Variants in ADAMTSL1 observed in about 807,000 individuals in gnomAD.
The protein encoded by ADAMTSL1 is ADAMTS like 1.
A neutral mutation model predicts 201.8 loss-of-function variants in ADAMTSL1; 126 were observed. The observed-to-expected ratio is 0.62, with a 90% CI of 0.54 to 0.72. The LOEUF is 0.72. ADAMTSL1 is among the 30% of genes least tolerant of loss of function. The pLI is 0.00. For missense variants in ADAMTSL1, 2,679 were observed against 2,277.8 expected (o/e 1.18, Z -3.59); for synonymous variants, 1,121 against 903.4 (o/e 1.24, Z -4.32).
chr9:18,625,380 G>A (rs1262034428), intron 5 of ADAMTSL1, among the ~76,000 whole-genome samples: 2 of 151,998 alleles, frequency 1.3e-5, no homozygotes, highest in Non-Finnish European at 2.9e-5. Flanking sequence ...AGAGAAGTAG[G>A]AGAAGTTTAT....
intron 2 of ADAMTSL1, among the ~76,000 whole-genome samples, chr9:18,314,470 C>T (rs115870749): frequency 0.021 from 3,152 of 152,014 alleles, 63 homozygotes; most frequent in African/African-American, 0.057. Flanking sequence ...CATACTTTCG[C>T]GGTGAGTGTT....
chr9:18,667,639 C>G (rs893710298), intron 9 of ADAMTSL1, among the ~76,000 whole-genome samples: 7 of 152,128 alleles, frequency 4.6e-5, no homozygotes, highest in Admixed American at 3.9e-4. Context: ...GTACCTGACT[C>G]ATGATAAGCG....
intron 3 of ADAMTSL1, among the ~76,000 whole-genome samples, chr9:18,556,453 T>C (rs1821115568): frequency 6.6e-6 from 1 of 151,990 alleles, no homozygotes; most frequent in Non-Finnish European, 1.5e-5. Flanking sequence ...GTCTTTCCCC[T>C]TCTTTACCTT....
intron 23 of ADAMTSL1, among the ~76,000 whole-genome samples, chr9:18,842,227 G>T (rs1412468230): frequency 1.3e-5 from 2 of 151,978 alleles, no homozygotes; most frequent in African/African-American, 4.8e-5. Flanking sequence ...AAGAGATTCT[G>T]GTATGTTGTG....
At chr9:18,084,570 C>G (rs1033998385) in intron 1 of ADAMTSL1, among the ~76,000 whole-genome samples, 1 of 151,800 alleles carries the variant, frequency 6.6e-6, no homozygotes, top group Non-Finnish European at 1.5e-5. Flanking sequence ...TGATGGAATT[C>G]TCTTAGCTTT....
intron 8 of ADAMTSL1, among the ~76,000 whole-genome samples, chr9:18,658,123 C>G (rs1407530323): frequency 6.6e-6 from 1 of 152,102 alleles, no homozygotes; most frequent in Non-Finnish European, 1.5e-5. Flanking sequence ...TGCAGGCGCC[C>G]GCCACCACGC....
chr9:18,331,784 G>T (rs1268542286), intron 2 of ADAMTSL1, among the ~76,000 whole-genome samples: 3 of 152,160 alleles, frequency 2.0e-5, no homozygotes, highest in African/African-American at 7.2e-5. Flanking sequence ...TGCATCAGTA[G>T]CTCTGGCATT....
intron 2 of ADAMTSL1, among the ~76,000 whole-genome samples, chr9:18,188,742 C>T (rs1006719230): frequency 8.5e-5 from 13 of 152,132 alleles, no homozygotes; most frequent in Non-Finnish European, 1.8e-4. Flanking sequence ...ATATTTTGTA[C>T]ATATTCTTTA....
chr9:18,167,884 G>C (rs954116071), intron 2 of ADAMTSL1, among the ~76,000 whole-genome samples: 1 of 151,934 alleles, frequency 6.6e-6, no homozygotes, highest in Non-Finnish European at 1.5e-5. Flanking sequence ...AGGAACATTT[G>C]AGTTACTGAA....
At chr9:18,572,650 T>C (rs1200156051) in intron 3 of ADAMTSL1, among the ~76,000 whole-genome samples, 5 of 152,214 alleles carry the variant, frequency 3.3e-5, no homozygotes, top group Non-Finnish European at 1.5e-5. Context: ...TAGAAAGAAT[T>C]TGTGCTCCCT....
intron 2 of ADAMTSL1, among the ~76,000 whole-genome samples, chr9:18,278,069 T>G (rs1337909018): frequency 6.6e-6 from 1 of 152,198 alleles, no homozygotes; most frequent in African/African-American, 2.4e-5. Flanking sequence ...TTCCCCTACA[T>G]TTTATGTTAT....
intron 2 of ADAMTSL1, among the ~76,000 whole-genome samples, chr9:18,412,965 T>C (rs1004969013): frequency 2.6e-5 from 4 of 152,186 alleles, no homozygotes; most frequent in African/African-American, 9.7e-5. Flanking sequence ...TAGAGATATC[T>C]ATGTGTGTGT....
rs1830492468 is a variant in ADAMTSL1 at position 18,909,518 on chromosome 9, T to G, written c.*970T>G. On this transcript the variant is annotated 3_prime_UTR_variant, in exon 29 of 29. Coordinates refer to ENST00000380548, the MANE Select transcript of ADAMTSL1 (RefSeq NM_001040272.6). ...GTCCCCTAGCCCCGCACTAACTAAC[T>G]GCTGCTGTGGGCCAGGGCCATTTTG... The G allele has an allele frequency of 1.3e-5, 2 of 152,280 alleles. No individual in the cohort carries two copies. Among genetic ancestry groups the G allele is most frequent in the African/African-American group, 4.8e-5 (2 of 41,460 alleles). 9.4% of individuals were successfully genotyped at this position (152,280 alleles called of 1,614,324 possible). A position where few individuals can be genotyped will look rare whatever the true frequency, so the allele number is the denominator to read the frequency against.
intron 2 of ADAMTSL1, among the ~76,000 whole-genome samples, chr9:18,203,035 A>T (rs1213976957): frequency 6.6e-6 from 1 of 152,244 alleles, no homozygotes; most frequent in African/African-American, 2.4e-5. Context: ...GAGGTCCCCA[A>T]GTGTCAGGTA....
intron 2 of ADAMTSL1, among the ~76,000 whole-genome samples, chr9:18,397,420 A>T (rs1238182585): frequency 1.3e-5 from 2 of 152,206 alleles, no homozygotes; most frequent in Admixed American, 1.3e-4. Flanking sequence ...TGCACTCCAA[A>T]AAAGAAAAAA....
chr9:18,655,540 C>G lies in ADAMTSL1; in HGVS notation c.835-2099C>G, dbSNP rs566944040. Among the ~76,000 whole-genome samples, 12 of 152,140 alleles carry G rather than the reference C, an allele frequency of 7.9e-5. No individual in the cohort carries two copies. In the South Asian group the frequency reaches 2.5e-3, roughly 32 times the overall value. On this transcript the variant is annotated intron_variant, in intron 7 of 28. Coordinates refer to ENST00000380548, the MANE Select transcript of ADAMTSL1 (RefSeq NM_001040272.6). ...TCCAAGTATTATGATGTTATATCCT[C>G]CTCACATTGGCTGTAAGAAGCTAAG...
intron 1 of ADAMTSL1, among the ~76,000 whole-genome samples, chr9:17,968,222 G>A (rs546116912): frequency 6.6e-6 from 1 of 152,112 alleles, no homozygotes; most frequent in Non-Finnish European, 1.5e-5. Context: ...GATGCAATAC[G>A]TATTTATTCT....
At chr9:18,061,429 T>A (rs1822450954) in intron 1 of ADAMTSL1, among the ~76,000 whole-genome samples, 1 of 152,194 alleles carries the variant, frequency 6.6e-6, no homozygotes, top group Non-Finnish European at 1.5e-5. Context: ...GAAGTGGTAC[T>A]ATGAACTCTT....
At chr9:18,162,566 A>G (rs996556873) in intron 1 of ADAMTSL1, among the ~76,000 whole-genome samples, 1 of 151,956 alleles carries the variant, frequency 6.6e-6, no homozygotes, top group African/African-American at 2.4e-5. Flanking sequence ...TATCATATGA[A>G]AGTATTTGAT....
Sources: gnomAD v4.1 joint callset for allele counts (sites outside exome capture counted in the v4.1 genomes callset) on GRCh38, gnomAD v4.1.1 for gene constraint, MANE v1.5 for transcripts, NCBI Gene and HGNC (gene_info 2026-07-23, HGNC 2026-07-21) for gene names.